TBCK: variants seen among roughly 807,000 people sequenced by gnomAD.
TBCK encodes TBC1 domain containing kinase.
In TBCK, 99 loss-of-function variants were observed where a neutral mutation model predicts 113.4. That is an observed-to-expected ratio of 0.87 (90% CI 0.74 to 1.03). The LOEUF (loss-of-function observed/expected upper bound fraction) is 1.03. TBCK is among the 50% of genes least tolerant of loss of function. TBCK has a pLI of 0.00. For synonymous variants in TBCK, 369 were observed against 370.8 expected, an observed-to-expected ratio of 1.00 and a Z score of 0.05; for missense variants, 1,045 against 1,061.3, an observed-to-expected ratio of 0.98 and a Z score of 0.21.
intron 25 of TBCK, among the ~76,000 whole-genome samples, chr4:106,071,952 A>G (rs1218004216): frequency 1.3e-5 from 2 of 152,092 alleles, no homozygotes; most frequent in Non-Finnish European, 2.9e-5. Context: ...TTTGCTTGGT[A>G]GATCTTCCTC....
intron 23 of TBCK, among the ~76,000 whole-genome samples, chr4:106,144,710 C>A (rs1747552417): frequency 2.6e-5 from 4 of 152,098 alleles, no homozygotes; most frequent in African/African-American, 9.7e-5. Flanking sequence ...TGCTTCTTTA[C>A]ATTTCTCCTC....
At chr4:106,097,222 G>A (rs936555720) in intron 24 of TBCK, among the ~76,000 whole-genome samples, 10 of 152,118 alleles carry the variant, frequency 6.6e-5, no homozygotes, top group Non-Finnish European at 1.3e-4. Context: ...TTTTGAAAGA[G>A]AAAGTTTTTC....
chr4:106,217,226 T>G (rs1239656785), intron 19 of TBCK, among the ~76,000 whole-genome samples: 1 of 152,074 alleles, frequency 6.6e-6, no homozygotes, highest in East Asian at 1.9e-4. Context: ...TTCAAAATAA[T>G]AAGAGCTATC....
chr4:106,124,285 T>A (rs1251532851), intron 23 of TBCK, among the ~76,000 whole-genome samples: 1 of 152,112 alleles, frequency 6.6e-6, no homozygotes. Context: ...GAAATGCAAA[T>A]CAAAACCACA....
At chr4:106,053,837 T>C (rs1164174874) in intron 25 of TBCK, among the ~76,000 whole-genome samples, 1 of 151,756 alleles carries the variant, frequency 6.6e-6, no homozygotes, top group Non-Finnish European at 1.5e-5. Context: ...AGTCTTCTAG[T>C]TATCTAACTA....
intron 24 of TBCK, among the ~76,000 whole-genome samples, chr4:106,099,440 A>G (rs560222717): frequency 9.2e-5 from 14 of 152,276 alleles, no homozygotes; most frequent in Non-Finnish European, 1.9e-4. Flanking sequence ...TATAATTAGT[A>G]TTATAGACCT....
chr4:106,070,225 C>T (rs1317457266), intron 25 of TBCK, among the ~76,000 whole-genome samples: 1 of 152,160 alleles, frequency 6.6e-6, no homozygotes, highest in Non-Finnish European at 1.5e-5. Flanking sequence ...TGCCAGTTTT[C>T]AAAGGGAAGG....
At chr4:106,249,513 C>G (rs999431750) in intron 7 of TBCK, among the ~76,000 whole-genome samples, 7 of 152,166 alleles carry the variant, frequency 4.6e-5, no homozygotes, top group Non-Finnish European at 7.4e-5. Context: ...AACCAATCCT[C>G]TTCAAGAACT....
chr4:106,182,253 T>C (rs1752480849), intron 22 of TBCK: 1 of 152,198 alleles, frequency 6.6e-6, no homozygotes, highest in East Asian at 1.9e-4. Flanking sequence ...GCTTATCAGC[T>C]TAAGGAGATT....
chr4:106,066,259 T>C (rs1736621132), intron 25 of TBCK, among the ~76,000 whole-genome samples: 1 of 152,012 alleles, frequency 6.6e-6, no homozygotes, highest in Non-Finnish European at 1.5e-5. Context: ...CTAATTTGTA[T>C]GTCAAATGGA....
intron 6 of TBCK, among the ~76,000 whole-genome samples, chr4:106,251,545 GTTAAACTT>G (rs1761428188): frequency 1.3e-5 from 2 of 151,662 alleles, no homozygotes; most frequent in Admixed American, 1.3e-4. Context: ...TCAATATCTT[GTTAAACTT>G]TTAATGGTAC....
intron 22 of TBCK, among the ~76,000 whole-genome samples, chr4:106,177,254 TG>T (rs139663289): frequency 0.014 from 2,077 of 152,106 alleles, 52 homozygotes; most frequent in African/African-American, 0.047. Flanking sequence ...CTTTGTTGGT[TG>T]AAGAGTTTGC....
intron 23 of TBCK, among the ~76,000 whole-genome samples, chr4:106,169,273 T>C (rs531600713): frequency 0.012 from 1,716 of 144,280 alleles, 35 homozygotes; most frequent in African/African-American, 0.043. Flanking sequence ...AAAAGAACAG[T>C]TGGAGGACTG....
Position 106,045,207 on chromosome 4 carries a change from T to G in TBCK, c.*1363A>C, listed in dbSNP as rs2149437200. The G allele has an allele frequency of 1.3e-5, 2 of 152,216 alleles. No individual in the cohort carries two copies. The highest frequency in any genetic ancestry group is 3.9e-4 in the East Asian group (2 of 5,172). 9.4% of individuals were successfully genotyped at this position (152,216 alleles called of 1,614,324 possible). A position where few individuals can be genotyped will look rare whatever the true frequency, so the allele number is the denominator to read the frequency against. ...CTGAGTAGCTGGGACCGCAGACGTGTGCCACTATGACCAGCTAATTTTTAT... is the reference window on the plus strand; with the variant it reads ...CTGAGTAGCTGGGACCGCAGACGTGGGCCACTATGACCAGCTAATTTTTAT... On this transcript the variant is annotated 3_prime_UTR_variant, in exon 26 of 26. Coordinates refer to ENST00000394708, the MANE Select transcript of TBCK (RefSeq NM_001163435.3).
At chr4:106,146,673 C>T (rs4307042) in intron 23 of TBCK, among the ~76,000 whole-genome samples, 8 of 152,062 alleles carry the variant, frequency 5.3e-5, no homozygotes, top group African/African-American at 1.4e-4. Flanking sequence ...TGCTGGTGGA[C>T]GGTCTTGCCT....
At chr4:106,087,093 C>T (rs188087242) in intron 25 of TBCK, among the ~76,000 whole-genome samples, 22 of 152,184 alleles carry the variant, frequency 1.4e-4, no homozygotes, top group African/African-American at 5.3e-4. Flanking sequence ...GGAAATCAGG[C>T]AAGAGAAAGA....
intron 25 of TBCK, among the ~76,000 whole-genome samples, chr4:106,077,782 TAA>T (rs1221263983): frequency 6.6e-6 from 1 of 152,186 alleles, no homozygotes; most frequent in East Asian, 1.9e-4. Context: ...TTTCTGGACT[TAA>T]ACTCAATACT....
At chr4:106,187,472 A>G (rs1753158285) in intron 22 of TBCK, among the ~76,000 whole-genome samples, 2 of 151,208 alleles carry the variant, frequency 1.3e-5, no homozygotes, top group African/African-American at 4.9e-5. Flanking sequence ...GCTGGAGTGC[A>G]GTGGCACTAT....
At chr4:106,301,326 C>T (rs549652953) in intron 2 of TBCK, among the ~76,000 whole-genome samples, 1 of 152,040 alleles carries the variant, frequency 6.6e-6, no homozygotes, top group Non-Finnish European at 1.5e-5. Flanking sequence ...CTTGATTTCA[C>T]CAGCAATCAT....
Sources: gnomAD v4.1 joint callset for allele counts (sites outside exome capture counted in the v4.1 genomes callset) on GRCh38, gnomAD v4.1.1 for gene constraint, MANE v1.5 for transcripts, NCBI Gene and HGNC (gene_info 2026-07-23, HGNC 2026-07-21) for gene names.